PDZRN4: variants seen among roughly 807,000 people sequenced by gnomAD.
PDZRN4 encodes PDZ domain-containing RING finger protein 4.
In PDZRN4, 70 loss-of-function variants were observed where a neutral mutation model predicts 99.0. That is an observed-to-expected ratio of 0.71 (90% confidence interval 0.58 to 0.86). The LOEUF is 0.86. Ranked by LOEUF, PDZRN4 falls within the 40% of genes least tolerant of loss-of-function variation. The probability of loss-of-function intolerance (pLI) is 0.00; values close to 1 mark genes in which losing one functional copy is unlikely to be tolerated. For missense variants in PDZRN4, 1,474 were observed against 1,331.2 expected, an observed-to-expected ratio of 1.11 and a Z score of -1.67; for synonymous variants, 551 against 501.6, an observed-to-expected ratio of 1.10 and a Z score of -1.32.
At chr12:41,445,433 T>G (rs558433307) in intron 3 of PDZRN4, among the ~76,000 whole-genome samples, 1 of 152,188 alleles carries the variant, frequency 6.6e-6, no homozygotes, top group African/African-American at 2.4e-5. Flanking sequence ...GTTAAGTAAT[T>G]AAGAATAAAG....
intron 7 of PDZRN4, among the ~76,000 whole-genome samples, chr12:41,557,288 G>A (rs1939185654): frequency 6.6e-6 from 1 of 152,012 alleles, no homozygotes; most frequent in African/African-American, 2.4e-5. Flanking sequence ...CTGTGAAACA[G>A]AGAGGAGGAC....
chr12:41,536,867 T>A (rs1938757835), intron 5 of PDZRN4, among the ~76,000 whole-genome samples: 1 of 152,202 alleles, frequency 6.6e-6, no homozygotes, highest in South Asian at 2.1e-4. Context: ...CTTGTTAGTA[T>A]GTTTAACAAA....
At chr12:41,482,960 G>A (rs1015411011) in intron 3 of PDZRN4, among the ~76,000 whole-genome samples, 2 of 151,836 alleles carry the variant, frequency 1.3e-5, no homozygotes, top group African/African-American at 4.8e-5. Flanking sequence ...GCAATTATTT[G>A]TATTTATATA....
At chr12:41,543,597 T>C (rs1384647883) in intron 5 of PDZRN4, among the ~76,000 whole-genome samples, 1 of 152,192 alleles carries the variant, frequency 6.6e-6, no homozygotes, top group East Asian at 1.9e-4. Context: ...ATATAACTTG[T>C]TGCAGGGGCT....
intron 3 of PDZRN4, among the ~76,000 whole-genome samples, chr12:41,291,129 A>G (rs1038379079): frequency 8.5e-5 from 13 of 152,170 alleles, no homozygotes; most frequent in African/African-American, 2.9e-4. Flanking sequence ...CCATTAGATT[A>G]TATGTACTTT....
chr12:41,381,593 A>G (rs952229730), intron 3 of PDZRN4, among the ~76,000 whole-genome samples: 1 of 151,970 alleles, frequency 6.6e-6, no homozygotes, highest in Non-Finnish European at 1.5e-5. Context: ...GTTTAAAAAT[A>G]TTTATCTTTC....
chr12:41,550,276 A>C (rs985118076), intron 5 of PDZRN4, among the ~76,000 whole-genome samples: 3 of 152,124 alleles, frequency 2.0e-5, no homozygotes, highest in Non-Finnish European at 4.4e-5. Flanking sequence ...AAGTCGGTGG[A>C]TTTCAGCTTT....
At chr12:41,490,786 G>A (rs564891509) in intron 3 of PDZRN4, among the ~76,000 whole-genome samples, 1 of 151,950 alleles carries the variant, frequency 6.6e-6, no homozygotes, top group Non-Finnish European at 1.5e-5. Flanking sequence ...CTGGAACAAG[G>A]TCCTCTACTT....
intron 3 of PDZRN4, among the ~76,000 whole-genome samples, chr12:41,430,363 G>A (rs777492688): frequency 5.3e-5 from 8 of 151,980 alleles, no homozygotes; most frequent in Non-Finnish European, 8.8e-5. Flanking sequence ...CAGTTACTTG[G>A]GAGGCTTAGG....
intron 3 of PDZRN4, among the ~76,000 whole-genome samples, chr12:41,474,839 G>C (rs1441899497): frequency 6.6e-6 from 1 of 152,134 alleles, no homozygotes; most frequent in African/African-American, 2.4e-5. Flanking sequence ...TGAAACATAG[G>C]TGTGAAAGAA....
intron 6 of PDZRN4, among the ~76,000 whole-genome samples, chr12:41,554,952 T>A (rs1256829959): frequency 6.7e-6 from 1 of 150,066 alleles, no homozygotes; most frequent in Admixed American, 6.8e-5. Context: ...CTCACGCCTG[T>A]AATCCTAGCA....
chr12:41,388,471 T>C (rs889072340), intron 3 of PDZRN4, among the ~76,000 whole-genome samples: 3 of 152,194 alleles, frequency 2.0e-5, no homozygotes, highest in Non-Finnish European at 4.4e-5. Flanking sequence ...CTTTGGCTTT[T>C]ACTGTAATTG....
chr12:41,545,815 A>G (rs1030413946), intron 5 of PDZRN4, among the ~76,000 whole-genome samples: 9 of 152,014 alleles, frequency 5.9e-5, no homozygotes, highest in African/African-American at 1.4e-4. Context: ...TTTTTCCTCC[A>G]TGAAGTCTAG....
At chr12:41,430,864 G>T (rs1952580846) in intron 3 of PDZRN4, among the ~76,000 whole-genome samples, 1 of 152,204 alleles carries the variant, frequency 6.6e-6, no homozygotes, top group Non-Finnish European at 1.5e-5. Flanking sequence ...AAGCATAGAG[G>T]CTTCTGCTTC....
intron 2 of PDZRN4, 31 bp downstream of exon 2, chr12:41,191,575 A>T: frequency 1.0e-6 from 1 of 963,764 alleles, no homozygotes; most frequent in Non-Finnish European, 1.6e-6. Flanking sequence ...ATTACTCGTT[A>T]CTTATAAAAT....
intron 3 of PDZRN4, among the ~76,000 whole-genome samples, chr12:41,338,306 A>C (rs1018458228): frequency 6.6e-6 from 1 of 152,126 alleles, no homozygotes; most frequent in Non-Finnish European, 1.5e-5. Flanking sequence ...TCCAGTGCCA[A>C]CTATTCCAAT....
intron 8 of PDZRN4, 91 bp from the exon 9 acceptor site, chr12:41,567,692 G>T: frequency 1.7e-6 from 1 of 586,294 alleles, no homozygotes. Flanking sequence ...ATGATAAAAG[G>T]AACTCGTCGG....
chr12:41,277,917 G>T (rs189132028), intron 3 of PDZRN4, among the ~76,000 whole-genome samples: 44 of 152,284 alleles, frequency 2.9e-4, no homozygotes, highest in Non-Finnish European at 5.3e-4. Context: ...CAAGTGAAAG[G>T]TGATGTGGAA....
chr12:41,282,465 A>G (rs968004840), intron 3 of PDZRN4, among the ~76,000 whole-genome samples: 1 of 152,190 alleles, frequency 6.6e-6, no homozygotes, highest in African/African-American at 2.4e-5. Flanking sequence ...CAGATCAATG[A>G]GACAGAAAAT....
Sources: allele counts gnomAD v4.1 joint callset (sites outside exome capture counted in the v4.1 genomes callset), GRCh38; gene constraint gnomAD v4.1.1; transcripts MANE v1.5; gene names NCBI Gene and HGNC (gene_info 2026-07-23, HGNC 2026-07-21).